Variants in PALM observed in about 807,000 individuals in gnomAD.
PALM encodes the protein paralemmin, also known as paralemmin-1.
In PALM, 18 loss-of-function variants were observed where a neutral mutation model predicts 30.7. The ratio of observed to expected loss-of-function variants is 0.59; its 90% CI spans 0.41 to 0.87. The LOEUF (loss-of-function observed/expected upper bound fraction) is 0.87, where lower values mean the gene tolerates loss of function less well. PALM is among the 40% of genes least tolerant of loss of function. The pLI is 0.00. For missense variants in PALM, 529 were observed against 555.4 expected (o/e 0.95, Z 0.48); for synonymous variants, 286 against 242.8 (o/e 1.18, Z -1.66).
chr19:719,984 C>A (rs1242243476), intron 1 of PALM, among the ~76,000 whole-genome samples: 1 of 152,142 alleles, frequency 6.6e-6, no homozygotes, highest in East Asian at 1.9e-4. Context: ...CCTTGGCTAC[C>A]CGGCGTCGGG....
chr19:710,547 C>G (rs1323480098), intron 1 of PALM, among the ~76,000 whole-genome samples: 2 of 152,166 alleles, frequency 1.3e-5, no homozygotes, highest in African/African-American at 2.4e-5. Flanking sequence ...GATCTCCCTC[C>G]CAGAGGAGGG....
intron 1 of PALM, among the ~76,000 whole-genome samples, chr19:723,310 C>T (rs538555474): frequency 4.6e-5 from 7 of 152,124 alleles, no homozygotes; most frequent in African/African-American, 9.6e-5. Flanking sequence ...GCAGCAGACA[C>T]GAAGGGCAGG....
At chr19:724,476 C>T (rs1181665728) in intron 1 of PALM, among the ~76,000 whole-genome samples, 3 of 151,986 alleles carry the variant, frequency 2.0e-5, no homozygotes, top group Non-Finnish European at 4.4e-5. Context: ...CCGACCACCA[C>T]GCCTGGCTAA....
chr19:744,405 A>G (rs2033278398), intron 8 of PALM, among the ~76,000 whole-genome samples: 3 of 151,706 alleles, frequency 2.0e-5, no homozygotes, highest in Admixed American at 2.0e-4. Context: ...ATCTCAAAAA[A>G]AAAAAAAAAT....
At chr19:716,381 G>A (rs528110415) in intron 1 of PALM, among the ~76,000 whole-genome samples, 1 of 151,636 alleles carries the variant, frequency 6.6e-6, no homozygotes, top group South Asian at 2.1e-4. Context: ...CTGCCCTCCA[G>A]CCTGGGTGAC....
At chr19:712,829 C>G (rs2032127991) in intron 1 of PALM, among the ~76,000 whole-genome samples, 1 of 152,092 alleles carries the variant, frequency 6.6e-6, no homozygotes, top group Non-Finnish European at 1.5e-5. Flanking sequence ...GTGCCTGCCA[C>G]CACGCCCAGC....
chr19:724,438 G>A (rs1378385549), intron 1 of PALM, among the ~76,000 whole-genome samples: 5 of 150,548 alleles, frequency 3.3e-5, no homozygotes, highest in Admixed American at 6.6e-5. Context: ...CTCCTGTCTC[G>A]GCCTCCAAGT....
intron 7 of PALM, among the ~76,000 whole-genome samples, chr19:738,792 CGAG>C (rs2033100926): frequency 6.6e-6 from 1 of 152,134 alleles, no homozygotes; most frequent in Non-Finnish European, 1.5e-5. Context: ...AGGAGGGAAA[CGAG>C]GTGGCTATGG....
chr19:719,525 A>T (rs978495660), intron 1 of PALM: 2 of 985,390 alleles, frequency 2.0e-6, no homozygotes, highest in African/African-American at 1.7e-5. Flanking sequence ...GCCGGGAGCC[A>T]GGGAGGCTCG....
intron 4 of PALM, chr19:727,942 C>A: frequency 2.1e-6 from 1 of 474,562 alleles, no homozygotes; most frequent in Non-Finnish European, 3.7e-6. Flanking sequence ...GGGAGATACC[C>A]CTTTCCCTTC....
At chr19:740,293 C>G in intron 7 of PALM, 59 bp from the exon 8 acceptor site, 1 of 1,491,568 alleles carries the variant, frequency 6.7e-7, no homozygotes, top group Non-Finnish European at 9.0e-7. Context: ...TGGCCGCAGC[C>G]CGGCGGGGGG....
At chr19:739,718 G>A (rs1277689690) in intron 7 of PALM, among the ~76,000 whole-genome samples, 1 of 152,002 alleles carries the variant, frequency 6.6e-6, no homozygotes, top group African/African-American at 2.4e-5. Flanking sequence ...GCTCACGCCT[G>A]TAATCCCAGC....
intron 3 of PALM, 95 bp downstream of exon 3, chr19:727,183 CCA>C: frequency 2.5e-6 from 2 of 794,788 alleles, no homozygotes; most frequent in Admixed American, 2.2e-5. Flanking sequence ...GACCCCAATC[CCA>C]ACCTGACCCT....
At chr19:737,629 C>T (rs1004026478) in intron 7 of PALM, among the ~76,000 whole-genome samples, 31 of 152,030 alleles carry the variant, frequency 2.0e-4, no homozygotes, top group African/African-American at 7.3e-5. Flanking sequence ...GAGCAAGGCA[C>T]GCAGCTATCT....
In PALM at chr19:727,003, C is replaced by CCCCCCCCCCCA; in HGVS notation, c.58-5_58-4insCCCCCCCCCCA. On this transcript the variant is annotated splice_polypyrimidine_tract_variant and splice_region_variant and intron_variant, in intron 2 of 8. Coordinates refer to ENST00000338448, the MANE Select transcript of PALM (RefSeq NM_002579.3). ...ATCCCTGACCCCACCCGGCCCTCCCCACAGGAGAAGCGGAAGCGGCAGGCG... is the reference window on the plus strand; with the variant it reads ...ATCCCTGACCCCACCCGGCCCTCCCCCCCCCCCCCCAACAGGAGAAGCGGAAGCGGCAGGCG... 2 of 1,524,278 alleles carry CCCCCCCCCCCA rather than the reference C, an allele frequency of 1.3e-6. No individual in the cohort carries two copies. Among genetic ancestry groups the CCCCCCCCCCCA allele is most frequent in the Non-Finnish European group, 8.9e-7 (1 of 1,124,952 alleles). 94.4% of individuals were successfully genotyped at this position (1,524,278 alleles called of 1,614,324 possible).
intron 4 of PALM, among the ~76,000 whole-genome samples, chr19:728,691 C>G (rs1599151717): frequency 6.6e-6 from 1 of 152,120 alleles, no homozygotes; most frequent in Non-Finnish European, 1.5e-5. Flanking sequence ...AGCCTGTAAT[C>G]CCAGCTACTC....
At chr19:744,851 G>A (rs182362103) in intron 8 of PALM, among the ~76,000 whole-genome samples, 420 of 147,634 alleles carry the variant, frequency 2.8e-3, no homozygotes, top group Non-Finnish European at 4.3e-3. Context: ...CTGAGACTGC[G>A]CCACTGCACT....
At position 726,207 on chromosome 19, in the gene PALM, C is replaced by T. The variant is rs772530131; in HGVS notation, c.57+18C>T. ...CCATCGCAGTGAGTTTCCGCCGCCC[C>T]GCAGACGGTGTGGTCAGGGTGGGGA... On this transcript the variant is annotated intron_variant, in intron 2 of 8. Coordinates refer to ENST00000338448, the MANE Select transcript of PALM (RefSeq NM_002579.3). 1.1e-5 allele frequency: 17 copies of T among 1,610,958 alleles called. No homozygotes were observed. Among genetic ancestry groups the T allele is most frequent in the East Asian group, 4.5e-5 (2 of 44,862 alleles).
chr19:718,486 G>A (rs1479500537), intron 1 of PALM, among the ~76,000 whole-genome samples: 1 of 152,192 alleles, frequency 6.6e-6, no homozygotes, highest in Non-Finnish European at 1.5e-5. Context: ...TGAAAGCCAG[G>A]GAAGGCCCCG....
Sources: allele counts gnomAD v4.1 joint callset (sites outside exome capture counted in the v4.1 genomes callset), GRCh38; gene constraint gnomAD v4.1.1; transcripts MANE v1.5; gene names NCBI Gene and HGNC (gene_info 2026-07-23, HGNC 2026-07-21).